The following GRID1 variants were observed in gnomAD, a reference collection of about 807,000 sequenced individuals.
GRID1 encodes the protein glutamate receptor ionotropic, delta-1.
Under a neutral mutation model 98.0 loss-of-function variants are expected in GRID1, and 28 were observed. The observed-to-expected ratio is 0.29, with a 90% CI of 0.21 to 0.39. GRID1 has a LOEUF of 0.39. GRID1 is among the 10% of genes least tolerant of loss of function. The pLI is 1.00. For missense variants in GRID1, 1,111 were observed against 1,340.5 expected, an observed-to-expected ratio of 0.83 and a Z score of 2.67; for synonymous variants, 553 against 538.5, an observed-to-expected ratio of 1.03 and a Z score of -0.37.
chr10:85,663,557 GC>G (rs1191833243), intron 12 of GRID1, among the ~76,000 whole-genome samples: 1 of 152,040 alleles, frequency 6.6e-6, no homozygotes, highest in African/African-American at 2.4e-5. Flanking sequence ...AACTAATACA[GC>G]CCCCATGTGC....
intron 12 of GRID1, among the ~76,000 whole-genome samples, chr10:85,648,422 C>T (rs1420445529): frequency 6.6e-6 from 1 of 152,176 alleles, no homozygotes; most frequent in African/African-American, 2.4e-5. Context: ...CAGCCTCTCT[C>T]TCCAGGTTCC....
chr10:85,883,014 T>G (rs1157528156), intron 5 of GRID1, among the ~76,000 whole-genome samples: 1 of 152,112 alleles, frequency 6.6e-6, no homozygotes, highest in Admixed American at 6.5e-5. Flanking sequence ...TTGTTTATTA[T>G]TTTTTCTTCT....
At chr10:85,786,617 A>AT (rs1842431667) in intron 8 of GRID1, among the ~76,000 whole-genome samples, 1 of 152,156 alleles carries the variant, frequency 6.6e-6, no homozygotes, top group African/African-American at 2.4e-5. Flanking sequence ...CCAGGGGCTT[A>AT]TTTCTATTGG....
At chr10:86,238,470 C>T (rs1015617434) in intron 2 of GRID1, among the ~76,000 whole-genome samples, 1 of 151,976 alleles carries the variant, frequency 6.6e-6, no homozygotes, top group African/African-American at 2.4e-5. Context: ...GACCATCCTG[C>T]CCCCCGTCTC....
intron 4 of GRID1, among the ~76,000 whole-genome samples, chr10:86,018,548 G>A (rs772758860): frequency 3.2e-4 from 49 of 152,172 alleles, no homozygotes; most frequent in Non-Finnish European, 5.9e-4. Context: ...TTGCAGCTCC[G>A]AGGCCAAGAG....
intron 4 of GRID1, among the ~76,000 whole-genome samples, chr10:86,112,143 C>G (rs541189747): frequency 3.3e-5 from 5 of 152,152 alleles, no homozygotes; most frequent in Non-Finnish European, 7.4e-5. Context: ...CACAGCACCT[C>G]ATCCCTATGA....
intron 2 of GRID1, among the ~76,000 whole-genome samples, chr10:86,258,245 TA>T (rs1223430544): frequency 1.3e-5 from 2 of 151,976 alleles, no homozygotes; most frequent in Non-Finnish European, 2.9e-5. Context: ...TTTTCAAAGA[TA>T]AAAAAATACA....
At chr10:86,341,675 C>T (rs1589455223) in intron 2 of GRID1, among the ~76,000 whole-genome samples, 1 of 152,290 alleles carries the variant, frequency 6.6e-6, no homozygotes, top group East Asian at 1.9e-4. Flanking sequence ...ATGAGCCTGG[C>T]ATTTACATCT....
intron 4 of GRID1, among the ~76,000 whole-genome samples, chr10:85,992,939 G>A (rs1439888337): frequency 6.6e-6 from 1 of 152,172 alleles, no homozygotes; most frequent in East Asian, 1.9e-4. Flanking sequence ...GGGTGACCAA[G>A]TGGGACCCTG....
intron 15 of GRID1, among the ~76,000 whole-genome samples, chr10:85,610,311 T>A (rs2132510497): frequency 6.6e-6 from 1 of 152,304 alleles, no homozygotes; most frequent in African/African-American, 2.4e-5. Flanking sequence ...CATGATAAAG[T>A]CAAAACCTCT....
At chr10:86,352,670 A>G (rs1044724919) in intron 2 of GRID1, among the ~76,000 whole-genome samples, 4 of 152,138 alleles carry the variant, frequency 2.6e-5, no homozygotes, top group African/African-American at 9.7e-5. Context: ...ATGCCATCAC[A>G]TTGGGGGTTA....
intron 5 of GRID1, among the ~76,000 whole-genome samples, chr10:85,882,117 G>C (rs533570526): frequency 7.2e-5 from 11 of 152,230 alleles, no homozygotes; most frequent in African/African-American, 2.6e-4. Flanking sequence ...AAAAAGTCAG[G>C]GAACCACAGG....
chr10:85,634,953 G>A (rs879800522), intron 13 of GRID1, among the ~76,000 whole-genome samples: 20 of 122,554 alleles, frequency 1.6e-4, no homozygotes, highest in African/African-American at 3.5e-4. Flanking sequence ...AAGGTGAAGC[G>A]TATCAGACCT....
At chr10:86,307,048 G>A (rs1847767990) in intron 2 of GRID1, among the ~76,000 whole-genome samples, 1 of 152,244 alleles carries the variant, frequency 6.6e-6, no homozygotes. Context: ...AAGTATTGGT[G>A]AAGATGTGGA....
chr10:85,785,267 C>T (rs1842417854), intron 8 of GRID1, among the ~76,000 whole-genome samples: 1 of 152,224 alleles, frequency 6.6e-6, no homozygotes, highest in Non-Finnish European at 1.5e-5. Context: ...ACACTCCAAA[C>T]CTTCACTGAA....
intron 3 of GRID1, among the ~76,000 whole-genome samples, chr10:86,182,858 A>T (rs1845675052): frequency 6.6e-6 from 1 of 152,158 alleles, no homozygotes; most frequent in African/African-American, 2.4e-5. Context: ...ACCATAAGGG[A>T]TATGCGATTA....
intron 2 of GRID1, among the ~76,000 whole-genome samples, chr10:86,279,238 T>C (rs1447436763): frequency 2.0e-5 from 3 of 152,176 alleles, no homozygotes; most frequent in African/African-American, 7.2e-5. Context: ...CTGGACCATA[T>C]TGGTATCCCC....
At chr10:86,164,895 G>A (rs191955543) in intron 3 of GRID1, among the ~76,000 whole-genome samples, 1 of 152,190 alleles carries the variant, frequency 6.6e-6, no homozygotes, top group African/African-American at 2.4e-5. Flanking sequence ...AGCATGGGTG[G>A]TGATAAAGCA....
At chr10:85,957,311 T>C (rs567373825) in intron 4 of GRID1, among the ~76,000 whole-genome samples, 4 of 152,188 alleles carry the variant, frequency 2.6e-5, no homozygotes, top group East Asian at 1.9e-4. Context: ...AAAATAACTT[T>C]AGAGTAGAAA....
Sources: gnomAD v4.1 joint callset for allele counts (sites outside exome capture counted in the v4.1 genomes callset) on GRCh38, gnomAD v4.1.1 for gene constraint, MANE v1.5 for transcripts, NCBI Gene and HGNC (gene_info 2026-07-23, HGNC 2026-07-21) for gene names.